Variants in PSEN1 observed in about 807,000 individuals in gnomAD.
The protein encoded by PSEN1 is presenilin 1.
Under a neutral mutation model 53.5 loss-of-function variants are expected in PSEN1, and 15 were observed. The observed-to-expected ratio is 0.28, with a 90% confidence interval of 0.19 to 0.43. The LOEUF (loss-of-function observed/expected upper bound fraction) is 0.43, where lower values mean the gene tolerates loss of function less well. Ranked by LOEUF, PSEN1 falls within the 20% of genes least tolerant of loss-of-function variation. The pLI is 1.00. For synonymous variants in PSEN1, 208 were observed against 209.8 expected, an observed-to-expected ratio of 0.99 and a Z score of 0.08; for missense variants, 387 against 571.2, an observed-to-expected ratio of 0.68 and a Z score of 3.29.
intron 1 of PSEN1, among the ~76,000 whole-genome samples, chr14:73,138,405 G>A (rs189444451): frequency 0.015 from 2,274 of 151,254 alleles, 57 homozygotes; most frequent in African/African-American, 0.051. Flanking sequence ...ATTTTTAGTA[G>A]ACACGGGGTT....
intron 9 of PSEN1, chr14:73,208,702 G>A (rs1029484501): frequency 1.8e-5 from 7 of 386,556 alleles, no homozygotes; most frequent in African/African-American, 4.2e-5. Flanking sequence ...CCATGAGCAG[G>A]CCCAGAAAAT....
intron 3 of PSEN1, among the ~76,000 whole-genome samples, chr14:73,159,572 G>A (rs1897467089): frequency 1.3e-5 from 2 of 152,118 alleles, no homozygotes; most frequent in Non-Finnish European, 2.9e-5. Flanking sequence ...TTTCAGCACT[G>A]TTTTTTAAAA....
At chr14:73,212,088 CT>C (rs398043836) in intron 10 of PSEN1, 146 bp downstream of exon 10, 10 of 70,542 alleles carry the variant, frequency 1.4e-4, no homozygotes, top group South Asian at 4.8e-4. Flanking sequence ...AGTAATAGTG[CT>C]TTTTTTTTTT....
At chr14:73,206,298 C>T (rs1205049098) in intron 8 of PSEN1, 88 bp from the exon 9 acceptor site, 6 of 904,452 alleles carry the variant, frequency 6.6e-6, no homozygotes, top group East Asian at 2.5e-5. Flanking sequence ...GGAAGACTGG[C>T]GATTTGTGTG....
At chr14:73,209,037 G>T in intron 9 of PSEN1, 1 of 346,810 alleles carries the variant, frequency 2.9e-6, no homozygotes, top group Non-Finnish European at 5.7e-6. Flanking sequence ...CGCACACCCG[G>T]CCAGGTCATG....
chr14:73,138,413 G>A (rs978086114), intron 1 of PSEN1, among the ~76,000 whole-genome samples: 1 of 151,120 alleles, frequency 6.6e-6, no homozygotes, highest in East Asian at 2.0e-4. Flanking sequence ...TAGACACGGG[G>A]TTTCACCGTG....
chr14:73,144,501 A>G (rs1690804246), intron 1 of PSEN1, among the ~76,000 whole-genome samples: 1 of 152,212 alleles, frequency 6.6e-6, no homozygotes, highest in African/African-American at 2.4e-5. Context: ...TCGCTTCAAA[A>G]TACCGTAATC....
chr14:73,194,822 C>A (rs1898875208), intron 7 of PSEN1, among the ~76,000 whole-genome samples: 1 of 152,248 alleles, frequency 6.6e-6, no homozygotes, highest in African/African-American at 2.4e-5. Flanking sequence ...CCTGCCTCGG[C>A]CTCCCAAAGT....
chr14:73,142,155 A>G (rs1177851025), intron 1 of PSEN1, among the ~76,000 whole-genome samples: 3 of 152,200 alleles, frequency 2.0e-5, no homozygotes, highest in Non-Finnish European at 2.9e-5. Flanking sequence ...TACATTTACT[A>G]TTGGATGTGA....
At chr14:73,213,423 A>T (rs183720719) in intron 10 of PSEN1, among the ~76,000 whole-genome samples, 86 of 152,142 alleles carry the variant, frequency 5.7e-4, no homozygotes, top group African/African-American at 1.8e-3. Flanking sequence ...AAAAAAAAAA[A>T]GTGAAACTAT....
At chr14:73,203,484 G>A (rs551902966) in intron 8 of PSEN1, among the ~76,000 whole-genome samples, 2 of 152,246 alleles carry the variant, frequency 1.3e-5, no homozygotes, top group East Asian at 1.9e-4. Context: ...ATGCCGATGA[G>A]TACTTTTTCC....
At chr14:73,141,668 C>G (rs1441577652) in intron 1 of PSEN1, among the ~76,000 whole-genome samples, 1 of 152,080 alleles carries the variant, frequency 6.6e-6, no homozygotes, top group Non-Finnish European at 1.5e-5. Context: ...GTCTGTAATC[C>G]TAGCTACTCA....
At chr14:73,185,511 G>C (rs1322497384) in intron 5 of PSEN1, among the ~76,000 whole-genome samples, 5 of 152,236 alleles carry the variant, frequency 3.3e-5, no homozygotes, top group African/African-American at 1.2e-4. Flanking sequence ...AGGAGAATCA[G>C]GCAGGGAGGT....
At position 73,219,409 on chromosome 14, in the gene PSEN1, T is replaced by G; in HGVS notation, c.*120T>G. On this transcript the variant is annotated 3_prime_UTR_variant, in exon 12 of 12. Transcript: ENST00000324501. ...AAGTCAAGATTCCCGGCTGGACTTT[T>G]GCAGCTTCCTTCCAAGTCTTCCTGA... The G allele has an allele frequency of 1.7e-6, 2 of 1,146,278 alleles. No homozygotes were observed. 71.0% of individuals were successfully genotyped at this position (1,146,278 alleles called of 1,614,324 possible). A position where few individuals can be genotyped will look rare whatever the true frequency, so the allele number is the denominator to read the frequency against.
intron 5 of PSEN1, among the ~76,000 whole-genome samples, chr14:73,184,598 A>T (rs1353884974): frequency 8.5e-6 from 1 of 117,988 alleles, no homozygotes; most frequent in Admixed American, 8.3e-5. Context: ...GCGGCCGGGC[A>T]GAGGCGCCCC....
At chr14:73,210,908 T>G (rs1441078085) in intron 9 of PSEN1, among the ~76,000 whole-genome samples, 3 of 152,216 alleles carry the variant, frequency 2.0e-5, no homozygotes, top group Non-Finnish European at 4.4e-5. Flanking sequence ...TATGGAAGTT[T>G]TTTAAGACTA....
At position 73,204,847 on chromosome 14, in the gene PSEN1, G is replaced by A. The variant is rs74062651; in HGVS notation, c.869-1539G>A. Reference sequence around the variant, plus strand: ...AGCCCAGGAGTTTGAGTCTGGCCTGGGCAACGTAGTGAGACCCTGTTTTTA... The same window carrying A: ...AGCCCAGGAGTTTGAGTCTGGCCTGAGCAACGTAGTGAGACCCTGTTTTTA... On this transcript the variant is annotated intron_variant, in intron 8 of 11. Transcript: ENST00000324501. Among the ~76,000 whole-genome samples, 1,241 of 151,962 alleles carry A rather than the reference G, an allele frequency of 8.2e-3. 20 individuals are homozygous for A. The highest frequency in any genetic ancestry group is 0.029 in the African/African-American group (1,185 of 41,460).
At chr14:73,173,952 G>A in intron 5 of PSEN1, 1 of 610,486 alleles carries the variant, frequency 1.6e-6, no homozygotes, top group Non-Finnish European at 2.9e-6. Flanking sequence ...GAGTTCACAA[G>A]CAGCTTGGGC....
intron 5 of PSEN1, among the ~76,000 whole-genome samples, chr14:73,183,994 G>A (rs1023820857): frequency 7.6e-6 from 1 of 132,110 alleles, no homozygotes; most frequent in Non-Finnish European, 1.6e-5. Flanking sequence ...CTTCCCAGTA[G>A]GAGCGGCCGG....
Sources: gnomAD v4.1 joint callset for allele counts (sites outside exome capture counted in the v4.1 genomes callset) on GRCh38, gnomAD v4.1.1 for gene constraint, MANE v1.5 for transcripts, NCBI Gene and HGNC (gene_info 2026-07-23, HGNC 2026-07-21) for gene names.